FTO: variants seen among roughly 807,000 people sequenced by gnomAD.
FTO encodes the protein alpha-ketoglutarate-dependent dioxygenase FTO.
A neutral mutation model predicts 63.9 loss-of-function variants in FTO; 47 were observed. The ratio of observed to expected loss-of-function variants is 0.74; its 90% CI spans 0.58 to 0.94. The LOEUF (loss-of-function observed/expected upper bound fraction) is 0.94, where lower values mean the gene tolerates loss of function less well. Ranked by LOEUF, FTO falls within the 40% of genes least tolerant of loss-of-function variation. The pLI is 0.00. For missense variants in FTO, 562 were observed against 618.1 expected, an observed-to-expected ratio of 0.91 and a Z score of 0.96; for synonymous variants, 207 against 224.4, an observed-to-expected ratio of 0.92 and a Z score of 0.69.
chr16:53,962,081 A>AATTAGGG (rs2083094618), intron 8 of FTO, among the ~76,000 whole-genome samples: 1 of 152,140 alleles, frequency 6.6e-6, no homozygotes, highest in Admixed American at 6.5e-5. Flanking sequence ...CTCTTTCCAG[A>AATTAGGG]ATTAGGGAGA....
At chr16:53,960,036 C>T (rs374314227) in intron 8 of FTO, among the ~76,000 whole-genome samples, 3 of 152,070 alleles carry the variant, frequency 2.0e-5, no homozygotes, top group African/African-American at 7.2e-5. Context: ...CAACAGTATT[C>T]AAGACTGGAC....
chr16:53,960,256 G>A (rs2083039933), intron 8 of FTO, among the ~76,000 whole-genome samples: 1 of 152,174 alleles, frequency 6.6e-6, no homozygotes, highest in South Asian at 2.1e-4. Context: ...ACCCTGCCAG[G>A]GGAAGGGTAT....
At chr16:54,073,247 G>T (rs77120581) in intron 8 of FTO, among the ~76,000 whole-genome samples, 19 of 152,220 alleles carry the variant, frequency 1.2e-4, no homozygotes, top group African/African-American at 4.1e-4. Context: ...TTCCCAAATG[G>T]AATCCAACAG....
At chr16:53,707,237 A>G (rs549200439) in intron 1 of FTO, among the ~76,000 whole-genome samples, 1 of 152,274 alleles carries the variant, frequency 6.6e-6, no homozygotes, top group South Asian at 2.1e-4. Flanking sequence ...TCCAGCTTCT[A>G]GTGTCCCTGG....
At chr16:53,801,027 T>C (rs757619928) in intron 1 of FTO, among the ~76,000 whole-genome samples, 15 of 152,264 alleles carry the variant, frequency 9.9e-5, no homozygotes, top group Non-Finnish European at 1.6e-4. Context: ...TATGGTTGCA[T>C]ACTGCTTTTA....
intron 8 of FTO, among the ~76,000 whole-genome samples, chr16:54,022,624 AGTTT>A (rs1422840240): frequency 1.3e-5 from 2 of 152,164 alleles, no homozygotes; most frequent in East Asian, 3.8e-4. Flanking sequence ...AGTGCTTTTT[AGTTT>A]GTTCTAGTCA....
At position 54,023,035 on chromosome 16, in the gene FTO, GTA is replaced by G. The variant is rs147269373; in HGVS notation, c.1365-88725_1365-88724del. On this transcript the variant is annotated intron_variant, in intron 8 of 8. Coordinates refer to ENST00000471389, the MANE Select transcript of FTO (RefSeq NM_001080432.3). ...ATTACTACTTGTAATGAAAACAAAT[GTA>G]TGTCATTATCTCCTAGTTTGTGTTT... 4.5e-3 allele frequency among the ~76,000 whole-genome samples: 687 copies of G among 152,308 alleles called. 8 individuals carry two copies. The highest frequency in any genetic ancestry group is 0.016 in the African/African-American group (649 of 41,562).
At chr16:53,970,596 AAAAAAAAAAAAG>A (rs1348010714) in intron 8 of FTO, among the ~76,000 whole-genome samples, 58 of 151,800 alleles carry the variant, frequency 3.8e-4, no homozygotes, top group South Asian at 8.3e-4. Flanking sequence ...ATCTCAAAAA[AAAAAAAAAAAAG>A]AAAAGAAAAA....
chr16:53,750,730 A>G (rs1369817644), intron 1 of FTO, among the ~76,000 whole-genome samples: 1 of 152,218 alleles, frequency 6.6e-6, no homozygotes, highest in Non-Finnish European at 1.5e-5. Context: ...ACACTTAACC[A>G]AAATGTGAGT....
chr16:53,844,960 C>T (rs2070247384), intron 4 of FTO, among the ~76,000 whole-genome samples: 1 of 151,032 alleles, frequency 6.6e-6, no homozygotes, highest in South Asian at 2.1e-4. Flanking sequence ...TTCTCAGGAA[C>T]AGCTGACCTG....
chr16:53,856,860 T>A (rs563202039), intron 4 of FTO, among the ~76,000 whole-genome samples: 2 of 152,244 alleles, frequency 1.3e-5, no homozygotes, highest in African/African-American at 4.8e-5. Flanking sequence ...ATAGTGGTTT[T>A]GTAGTCTGTC....
At chr16:54,042,209 C>G (rs1038973090) in intron 8 of FTO, among the ~76,000 whole-genome samples, 6 of 148,754 alleles carry the variant, frequency 4.0e-5, no homozygotes, top group Non-Finnish European at 8.9e-5. Context: ...GTTCATCTCA[C>G]TAGGGAGTGC....
chr16:54,061,605 TTGTGTGTGTGTG>T (rs78465059), intron 8 of FTO: 3 of 149,454 alleles, frequency 2.0e-5, no homozygotes, highest in Non-Finnish European at 3.0e-5. Context: ...GCATGTGTGT[TTGTGTGTGTGTG>T]TGTGTGTGTG....
At position 53,891,045 on chromosome 16, in the gene FTO, C is replaced by T. The variant is rs567305940; in HGVS notation, c.1239+2094C>T. On this transcript the variant is annotated intron_variant, in intron 7 of 8. Coordinates refer to ENST00000471389, the MANE Select transcript of FTO (RefSeq NM_001080432.3). The stretch of plus-strand genomic sequence containing the variant: ...TTGCTCTGTTGCCCAGGCTGGAGTG[C>T]GATGGCGCGATCTCAGCTCACTGCA... Among the ~76,000 whole-genome samples, 3 of 150,792 alleles carry T rather than the reference C, an allele frequency of 2.0e-5. No homozygotes were observed. In the East Asian group the frequency reaches 5.8e-4, roughly 29 times the overall value.
intron 1 of FTO, among the ~76,000 whole-genome samples, chr16:53,780,761 G>A (rs1355426987): frequency 1.3e-5 from 2 of 152,096 alleles, no homozygotes; most frequent in East Asian, 1.9e-4. Flanking sequence ...TCATGGCCTC[G>A]TCATTTACTG....
chr16:53,705,528 T>C (rs1042262914), intron 1 of FTO, among the ~76,000 whole-genome samples: 5 of 152,232 alleles, frequency 3.3e-5, no homozygotes, highest in Admixed American at 2.0e-4. Flanking sequence ...GTAGACACAG[T>C]TCTTGCTTTC....
chr16:54,054,057 T>C (rs1324701384), intron 8 of FTO, among the ~76,000 whole-genome samples: 2 of 152,086 alleles, frequency 1.3e-5, no homozygotes, highest in East Asian at 1.9e-4. Flanking sequence ...TAGTTATTTG[T>C]TGTAATTATC....
At chr16:54,015,223 G>A (rs1263440941) in intron 8 of FTO, among the ~76,000 whole-genome samples, 1 of 152,036 alleles carries the variant, frequency 6.6e-6, no homozygotes. Flanking sequence ...CCTTAAACTG[G>A]ACATTGTCAG....
chr16:53,996,091 A>C (rs1432470309), intron 8 of FTO, among the ~76,000 whole-genome samples: 1 of 152,210 alleles, frequency 6.6e-6, no homozygotes, highest in African/African-American at 2.4e-5. Context: ...GTAGGAGGAC[A>C]AAAGTGATTA....
Sources: gnomAD v4.1 joint callset for allele counts (sites outside exome capture counted in the v4.1 genomes callset) on GRCh38, gnomAD v4.1.1 for gene constraint, MANE v1.5 for transcripts, NCBI Gene and HGNC (gene_info 2026-07-23, HGNC 2026-07-21) for gene names.